The following CRTC2 variants were observed in gnomAD, a reference collection of about 807,000 sequenced individuals.
CRTC2 encodes the protein CREB regulated transcription coactivator 2.
Under a neutral mutation model 70.9 loss-of-function variants are expected in CRTC2, and 25 were observed. The ratio of observed to expected loss-of-function variants is 0.35; its 90% confidence interval spans 0.26 to 0.49. The LOEUF (loss-of-function observed/expected upper bound fraction) is 0.49. Ranked by LOEUF, CRTC2 falls within the 20% of genes least tolerant of loss-of-function variation. The pLI is 0.98. For synonymous variants in CRTC2, 330 were observed against 364.1 expected (o/e 0.91, Z 1.07); for missense variants, 737 against 882.6 (o/e 0.83, Z 2.09).
Position 153,947,930 on chromosome 1 carries a change from C to A in CRTC2, c.*179G>T, listed in dbSNP as rs576072816. 9.0e-6 allele frequency: 6 copies of A among 669,074 alleles called. No individual in the cohort carries two copies. Among genetic ancestry groups the A allele is most frequent in the Admixed American group, 7.6e-5 (3 of 39,386 alleles). 41.4% of individuals were successfully genotyped at this position (669,074 alleles called of 1,614,324 possible). A position where few individuals can be genotyped will look rare whatever the true frequency, so the allele number is the denominator to read the frequency against. ...TGAGTTCCCCCAGGCCCATCCCTTG[C>A]GCAGAATTCAGGGGCCACCTGGACA... On this transcript the variant is annotated 3_prime_UTR_variant, in exon 14 of 14. Transcript: ENST00000368633.
In CRTC2 at chr1:153,958,153, G is replaced by A; in HGVS notation, c.153+192C>T. The A allele has an allele frequency of 4.2e-6, 6 of 1,417,692 alleles. No individual in the cohort carries two copies. In the South Asian group the frequency reaches 7.5e-5, roughly 18 times the overall value. 87.8% of individuals were successfully genotyped at this position (1,417,692 alleles called of 1,614,324 possible). A position where few individuals can be genotyped will look rare whatever the true frequency, so the allele number is the denominator to read the frequency against. On this transcript the variant is annotated intron_variant, in intron 1 of 13. Coordinates refer to ENST00000368633, the MANE Select transcript of CRTC2 (RefSeq NM_181715.3). ...CGCCTCTACACCCCGAACCTCTCCG[G>A]TGTTTCGGTCTCCCCCGGCAAAATC...
intron 1 of CRTC2, 90 bp from the exon 2 acceptor site, chr1:153,955,256 C>T: frequency 1.1e-6 from 1 of 939,034 alleles, no homozygotes; most frequent in South Asian, 1.4e-5. Flanking sequence ...CCAGGATATG[C>T]TGCTGCCGCC....
chr1:153,958,460 G>A lies in CRTC2; in HGVS notation c.38C>T (p.Thr13Met), dbSNP rs145098683. 2.2e-4 allele frequency: 362 copies of A among 1,613,018 alleles called. No individual in the cohort carries two copies. Among genetic ancestry groups the A allele is most frequent in the Non-Finnish European group, 2.9e-4 (341 of 1,179,682 alleles). ...TSGANGPGSA[T>M]ASASNPRKFS... is the part of the protein sequence containing the mutation. ...TTTGCGCGGATTGGAAGCCGAGGCCGTGGCCGAACCAGGCCCGTTCGCCCC... is the reference window on the plus strand; with the variant it reads ...TTTGCGCGGATTGGAAGCCGAGGCCATGGCCGAACCAGGCCCGTTCGCCCC... The change falls in exon 1 of 14, where the codon ACG (threonine) becomes ATG (methionine). Residue 13 changes from threonine (T) to methionine (M), a missense_variant. Transcript: ENST00000368633.
intron 1 of CRTC2, among the ~76,000 whole-genome samples, chr1:153,955,566 CAAAAAA>C: frequency 2.4e-5 from 1 of 41,922 alleles, no homozygotes; most frequent in East Asian, 6.5e-4. Context: ...GACTCTGTCT[CAAAAAA>C]AAAAAAAAAA....
intron 12 of CRTC2, 31 bp downstream of exon 12, chr1:153,949,084 C>T (rs1275005333): frequency 6.3e-7 from 1 of 1,597,802 alleles, no homozygotes; most frequent in African/African-American, 1.3e-5. Flanking sequence ...ACCCACTCCC[C>T]TGCTTTTGAG....
chr1:153,951,215 A>G, intron 11 of CRTC2, 45 bp downstream of exon 11: 1 of 1,597,988 alleles, frequency 6.3e-7, no homozygotes, highest in Non-Finnish European at 8.5e-7. Flanking sequence ...ATGGCAGGAG[A>G]AAAGGGAAGG....
chr1:153,958,407 G>A lies in CRTC2; in HGVS notation c.91C>T (p.Gln31Ter). 1 of 1,613,444 alleles carries A rather than the reference G, an allele frequency of 6.2e-7. No homozygotes were observed. The highest frequency in any genetic ancestry group is 8.5e-7 in the Non-Finnish European group (1 of 1,179,782). ...KFSEKIALQK[Q>*]RQAEETAAFE... The stretch of plus-strand genomic sequence containing the variant: ...GCCGCCGTCTCCTCGGCCTGACGCT[G>A]CTTCTGCAGCGCAATCTTCTCACTA... The change falls in exon 1 of 14, where the codon CAG becomes TAG. Residue 31 changes from glutamine to a stop codon, truncating the protein, a stop_gained. Coordinates refer to ENST00000368633, the MANE Select transcript of CRTC2 (RefSeq NM_181715.3). LOFTEE classifies it high-confidence loss of function.
Position 153,948,149 on chromosome 1 carries a change from G to C in CRTC2, c.2042C>G (p.Pro681Arg). 6.2e-7 allele frequency: 1 copy of C among 1,614,186 alleles called. No individual in the cohort carries two copies. The highest frequency in any genetic ancestry group is 1.1e-5 in the South Asian group (1 of 91,090). ...LSDPCALLPD[P>R]AVEESFRSDR... ...ACTGCGGAATGACTCCTCCACAGCA[G>C]GATCAGGCAGCAGGGCACAGGGGTC... Residue 681 changes from proline to arginine, a missense_variant, in exon 14 of 14, where the codon CCT becomes CGT. Pro to Arg is a moderately radical substitution (Grantham distance 103, BLOSUM62 -2). Transcript: ENST00000368633.
At position 153,948,641 on chromosome 1, in the gene CRTC2, C is replaced by A; in HGVS notation, c.1678G>T (p.Glu560Ter). ...GATGGGCTCTCCATGCTGAACTGCT[C>A]CAGCTATAGACATACAGACAAATCT... ...PMSDFNLGNLEQFSMESPSAS... is the reference protein window; with the variant it reads ...PMSDFNLGNL Residue 560 changes from glutamate (E) to a stop codon, truncating the protein, a stop_gained, in exon 13 of 14, where the codon GAG (glutamate) becomes TAG (stop). Coordinates refer to ENST00000368633, the MANE Select transcript of CRTC2 (RefSeq NM_181715.3). LOFTEE classifies it high-confidence loss of function. 6.3e-7 allele frequency: 1 copy of A among 1,582,026 alleles called. No homozygotes were observed. Among genetic ancestry groups the A allele is most frequent in the Non-Finnish European group, 8.6e-7 (1 of 1,166,106 alleles).
Position 153,949,218 on chromosome 1 carries a change from G to A in CRTC2, c.1571C>T (p.Pro524Leu), listed in dbSNP as rs2102101649. ...CCCATAATGAGACTGCCTGCCTGGG[G>A]GCTGCCCACCTGAGGACTGCACTGA... ...SCSVQSSGGQPPGRQSHYGTP... is the reference protein window; with the variant it reads ...SCSVQSSGGQLPGRQSHYGTP... Residue 524 changes from proline (P) to leucine (L), a missense_variant, in exon 12 of 14, where the codon CCC (proline) becomes CTC (leucine). Transcript: ENST00000368633. 1 of 1,614,060 alleles carries A rather than the reference G, an allele frequency of 6.2e-7. No homozygotes were observed. The highest frequency in any genetic ancestry group is 8.5e-7 in the Non-Finnish European group (1 of 1,180,024).
intron 12 of CRTC2, 128 bp downstream of exon 12, chr1:153,948,987 A>G: frequency 2.0e-6 from 2 of 1,025,048 alleles, no homozygotes; most frequent in Non-Finnish European, 3.0e-6. Context: ...CTCCGGGGAG[A>G]GGAGATCTCC....
intron 12 of CRTC2, 44 bp downstream of exon 12, chr1:153,949,071 C>G (rs1278606589): frequency 6.3e-7 from 1 of 1,596,336 alleles, no homozygotes; most frequent in Non-Finnish European, 8.6e-7. Context: ...TTGACCCACC[C>G]TCACCCACTC....
chr1:153,955,701 A>G (rs1256979817), intron 1 of CRTC2, among the ~76,000 whole-genome samples: 3 of 151,562 alleles, frequency 2.0e-5, no homozygotes, highest in Non-Finnish European at 4.4e-5. Context: ...AAAGTTAAAA[A>G]AAAAATAAAG....
chr1:153,954,994 C>A lies in CRTC2; in HGVS notation c.256-5G>T, dbSNP rs763836529. 2.0e-5 allele frequency: 32 copies of A among 1,613,100 alleles called. No individual in the cohort carries two copies. The highest frequency in any genetic ancestry group is 5.3e-5 in the African/African-American group (4 of 74,886). On this transcript the variant is annotated splice_polypyrimidine_tract_variant and splice_region_variant and intron_variant, in intron 2 of 13. Coordinates refer to ENST00000368633, the MANE Select transcript of CRTC2 (RefSeq NM_181715.3). ...CAAAGGTGAGTGGAGGGGGCTCTGCCAAAAAGGACAGAAGTCAGCAGAGGA... is the reference window on the plus strand; with the variant it reads ...CAAAGGTGAGTGGAGGGGGCTCTGCAAAAAAGGACAGAAGTCAGCAGAGGA...
intron 3 of CRTC2, 56 bp downstream of exon 3, chr1:153,954,817 T>G: frequency 6.8e-7 from 1 of 1,478,742 alleles, no homozygotes; most frequent in Non-Finnish European, 9.4e-7. Context: ...TATGAGTCCC[T>G]GAGGAACCCC....
rs763689203 is a variant in CRTC2 at position 153,955,055 on chromosome 1, G to GT, written c.255+9dup. On this transcript the variant is annotated intron_variant, in intron 2 of 13. Coordinates refer to ENST00000368633, the MANE Select transcript of CRTC2 (RefSeq NM_181715.3). ...GAAACTCCACTCCTCCCTGGCTGGGGTCTACTCACCTGGAACTCGGCCAGG... is the reference window on the plus strand; with the variant it reads ...GAAACTCCACTCCTCCCTGGCTGGGGTTCTACTCACCTGGAACTCGGCCAGG... 60 of 1,613,632 alleles carry GT rather than the reference G, an allele frequency of 3.7e-5. No individual in the cohort carries two copies. The African/African-American group carries it at 7.5e-4, about 20-fold the overall frequency.
intron 3 of CRTC2, 67 bp downstream of exon 3, chr1:153,954,806 C>T: frequency 7.3e-7 from 1 of 1,371,040 alleles, no homozygotes; most frequent in Non-Finnish European, 1.0e-6. Flanking sequence ...CAAGTGCTTC[C>T]TATGAGTCCC....
chr1:153,955,192 T>A, intron 1 of CRTC2, 26 bp from the exon 2 acceptor site: 5 of 1,553,936 alleles, frequency 3.2e-6, no homozygotes, highest in Non-Finnish European at 4.4e-6. Flanking sequence ...CAAGTGGGAA[T>A]GTCAGGAGGG....
chr1:153,950,160 G>A (rs1323768589), intron 11 of CRTC2, among the ~76,000 whole-genome samples: 5 of 152,158 alleles, frequency 3.3e-5, no homozygotes, highest in South Asian at 2.1e-4. Context: ...TTGAACTCCC[G>A]CCTTGGCCTC....
Sources: allele counts gnomAD v4.1 joint callset (sites outside exome capture counted in the v4.1 genomes callset), GRCh38; gene constraint gnomAD v4.1.1; transcripts MANE v1.5; gene names NCBI Gene and HGNC (gene_info 2026-07-23, HGNC 2026-07-21).